ICE1: variants seen among roughly 807,000 people sequenced by gnomAD.
The protein encoded by ICE1 is interactor of little elongation complex ELL subunit 1.
Under a neutral mutation model 192.7 loss-of-function variants are expected in ICE1, and 64 were observed. That is an observed-to-expected ratio of 0.33 (90% CI 0.27 to 0.41). ICE1 has a LOEUF of 0.41. Ranked by LOEUF, ICE1 falls within the 10% of genes least tolerant of loss-of-function variation. The probability of loss-of-function intolerance (pLI) is 1.00; values close to 1 mark genes in which losing one functional copy is unlikely to be tolerated. For synonymous variants in ICE1, 1,010 were observed against 984.5 expected (o/e 1.03, Z -0.49); for missense variants, 2,708 against 2,696.0 (o/e 1.00, Z -0.10).
chr5:5,458,159 A>G (rs1481596350), intron 12 of ICE1, among the ~76,000 whole-genome samples: 2 of 152,172 alleles, frequency 1.3e-5, no homozygotes, highest in Non-Finnish European at 2.9e-5. Context: ...TATTTGATGA[A>G]TTCATCATCT....
intron 1 of ICE1, among the ~76,000 whole-genome samples, chr5:5,428,360 G>A (rs1454183312): frequency 6.6e-6 from 1 of 152,154 alleles, no homozygotes; most frequent in Non-Finnish European, 1.5e-5. Flanking sequence ...TTAGTAAACA[G>A]CAAGCACACC....
At chr5:5,451,062 T>C (rs1299080295) in intron 10 of ICE1, among the ~76,000 whole-genome samples, 1 of 152,060 alleles carries the variant, frequency 6.6e-6, no homozygotes, top group Non-Finnish European at 1.5e-5. Flanking sequence ...CAATAAAAAA[T>C]ACCTACAATT....
intron 17 of ICE1, among the ~76,000 whole-genome samples, chr5:5,481,913 G>T (rs1739515163): frequency 6.6e-6 from 1 of 152,140 alleles, no homozygotes; most frequent in African/African-American, 2.4e-5. Context: ...ATCCATGTTT[G>T]TGCAAGTGTA....
rs1014989883 is a variant in ICE1 at position 5,464,996 on chromosome 5, A to T, written c.5662A>T (p.Ser1888Cys). ...AGTTGCAACAACAAATGAGGAAAGAAGTTGTTCTAGTCCAGCCGTCAGTGC... is the reference window on the plus strand; with the variant it reads ...AGTTGCAACAACAAATGAGGAAAGATGTTGTTCTAGTCCAGCCGTCAGTGC... ...AEVATTNEER[S>C]CSSPAVSAVS... Residue 1888 changes from serine to cysteine, a missense_variant, in exon 13 of 19, where the codon AGT (serine) becomes TGT (cysteine). Ser to Cys is a moderately radical substitution (Grantham distance 112). Coordinates refer to ENST00000296564, the MANE Select transcript of ICE1 (RefSeq NM_015325.3). This position sits in a 1 kb window ranked among gnomAD's most constrained non-coding sequence, Gnocchi z 4.0. 5.0e-6 allele frequency: 8 copies of T among 1,613,824 alleles called. No homozygotes were observed. Among genetic ancestry groups the T allele is most frequent in the Non-Finnish European group, 6.8e-6 (8 of 1,179,852 alleles).
rs369389318 is a variant in ICE1 at position 5,426,415 on chromosome 5, T to G, written c.84+3416T>G. Among the ~76,000 whole-genome samples, 708 of 143,292 alleles carry G rather than the reference T, an allele frequency of 4.9e-3. 5 individuals carry two copies. Among genetic ancestry groups the G allele is most frequent in the African/African-American group, 0.016 (586 of 37,410 alleles). The allele number at this position is 143,292 out of a possible 152,430, so 94.0% of individuals were successfully genotyped here. A position where few individuals can be genotyped will look rare whatever the true frequency, so the allele number is the denominator to read the frequency against. On this transcript the variant is annotated intron_variant, in intron 1 of 18. Coordinates refer to ENST00000296564, the MANE Select transcript of ICE1 (RefSeq NM_015325.3). The stretch of plus-strand genomic sequence containing the variant: ...AGCCGAGATGGTGCCACCACTGCAC[T>G]CCAGCCTGGGTGACAGAGCAAGACT...
chr5:5,444,730 A>G (rs892443267), intron 7 of ICE1, among the ~76,000 whole-genome samples: 5 of 152,174 alleles, frequency 3.3e-5, no homozygotes, highest in Non-Finnish European at 5.9e-5. Context: ...GATAGTTATA[A>G]CACACATACA....
Position 5,472,156 on chromosome 5 carries a change from A to G in ICE1, c.6223-1402A>G, listed in dbSNP as rs965163466. ...TTCAGATTATCTTAAAACTTTAAAC[A>G]TATTCATAAACTTAAGATGTATTCT... On this transcript the variant is annotated intron_variant, in intron 15 of 18. Coordinates refer to ENST00000296564, the MANE Select transcript of ICE1 (RefSeq NM_015325.3). Among the ~76,000 whole-genome samples, 5 of 152,148 alleles carry G rather than the reference A, an allele frequency of 3.3e-5. No individual in the cohort carries two copies. In the East Asian group the frequency reaches 7.7e-4, roughly 24 times the overall value.
chr5:5,450,909 A>G (rs992092173), intron 10 of ICE1, among the ~76,000 whole-genome samples: 1 of 152,134 alleles, frequency 6.6e-6, no homozygotes, highest in Non-Finnish European at 1.5e-5. Flanking sequence ...AATGTTTTTT[A>G]GAAAGAGAGA....
At chr5:5,454,520 A>T (rs1561083793) in intron 10 of ICE1, 32 bp from the exon 11 acceptor site, 1 of 1,523,858 alleles carries the variant, frequency 6.6e-7, no homozygotes, top group Non-Finnish European at 9.1e-7. Context: ...GAGCCAAATG[A>T]CGTGACTTTA....
intron 1 of ICE1, among the ~76,000 whole-genome samples, 181 bp downstream of exon 1, chr5:5,423,180 T>G (rs1310067212): frequency 6.6e-6 from 1 of 152,136 alleles, no homozygotes; most frequent in Non-Finnish European, 1.5e-5. Flanking sequence ...TGGGGACGGC[T>G]TTCTTTGCTT....
At chr5:5,447,566 A>G (rs1443294682) in intron 8 of ICE1, 57 bp downstream of exon 8, 4 of 1,421,970 alleles carry the variant, frequency 2.8e-6, no homozygotes, top group Admixed American at 4.1e-5. Flanking sequence ...GGGTCTCTGT[A>G]GTGTCTCTGT....
Position 5,464,261 on chromosome 5 carries a change from C to A in ICE1, c.4927C>A (p.Pro1643Thr). ...PPLLAPLIAT[P>T]PRTSQPLSPL... is the part of the protein sequence containing the mutation. ...TCTGCTTGCTCCTCTGATAGCTACA[C>A]CTCCAAGGACTTCACAGCCACTGTC... The change falls in exon 13 of 19, where the codon CCT becomes ACT. Residue 1643 changes from proline (P) to threonine (T), a missense_variant. Pro to Thr is a conservative substitution (Grantham distance 38). Around this residue, in one of 2 missense-constraint regions of ICE1, gnomAD observed 2,366 missense variants for 2,276.6 expected, o/e 1.04. Coordinates refer to ENST00000296564, the MANE Select transcript of ICE1 (RefSeq NM_015325.3). The surrounding 1 kb of genome is among the most constrained non-coding windows in gnomAD (Gnocchi z 4.0). 2 of 1,613,652 alleles carry A rather than the reference C, an allele frequency of 1.2e-6. No homozygotes were observed. The highest frequency in any genetic ancestry group is 1.7e-6 in the Non-Finnish European group (2 of 1,179,812).
chr5:5,477,408 GACAC>G (rs774860074), intron 17 of ICE1, among the ~76,000 whole-genome samples: 1 of 152,090 alleles, frequency 6.6e-6, no homozygotes, highest in Non-Finnish European at 1.5e-5. Flanking sequence ...TAAATTCCTG[GACAC>G]ACACACTCTC....
At chr5:5,456,050 G>C (rs142917675) in intron 11 of ICE1, among the ~76,000 whole-genome samples, 177 of 152,208 alleles carry the variant, frequency 1.2e-3, no homozygotes, top group African/African-American at 4.0e-3. Flanking sequence ...TGGCTTATGT[G>C]ATGTTTTCTC....
chr5:5,462,627 C>T lies in ICE1; in HGVS notation c.3293C>T (p.Thr1098Ile), dbSNP rs200226992. 1 of 1,613,936 alleles carries T rather than the reference C, an allele frequency of 6.2e-7. No individual in the cohort carries two copies. Among genetic ancestry groups the T allele is most frequent in the Admixed American group, 1.7e-5 (1 of 60,016 alleles). The change falls in exon 13 of 19, where the codon ACA becomes ATA. Residue 1098 changes from threonine (T) to isoleucine (I), a missense_variant. Physicochemically the swap from Thr to Ile is moderately conservative, Grantham distance 89 (BLOSUM62 -1). Coordinates refer to ENST00000296564, the MANE Select transcript of ICE1 (RefSeq NM_015325.3). ...SSLPGTLHCY[T>I]GIREGGDDTE... ...CTGCCTGGTACCTTACATTGTTACACAGGCATTCGAGAGGGGGGAGACGAC... is the reference window on the plus strand; with the variant it reads ...CTGCCTGGTACCTTACATTGTTACATAGGCATTCGAGAGGGGGGAGACGAC...
chr5:5,479,947 G>A (rs970225063), intron 17 of ICE1, among the ~76,000 whole-genome samples: 3 of 151,924 alleles, frequency 2.0e-5, no homozygotes, highest in Non-Finnish European at 4.4e-5. Flanking sequence ...GGCATGGGGG[G>A]TAAGGGGAGG....
chr5:5,476,703 A>T (rs1245266268), intron 17 of ICE1, among the ~76,000 whole-genome samples: 1 of 152,178 alleles, frequency 6.6e-6, no homozygotes, highest in Non-Finnish European at 1.5e-5. Flanking sequence ...CACCACACGG[A>T]TGGCCCAAGG....
rs1225850448 is a variant in ICE1 at position 5,463,648 on chromosome 5, G to T, written c.4314G>T (p.Gln1438His). ...SGVAVLPHVD[Q>H]VTLCDIPGDI... Reference sequence around the variant, plus strand: ...TAGCTGTCTTGCCACATGTGGACCAGGTCACACTGTGTGACATTCCTGGAG... The same window carrying T: ...TAGCTGTCTTGCCACATGTGGACCATGTCACACTGTGTGACATTCCTGGAG... The change falls in exon 13 of 19, where the codon CAG becomes CAT. Residue 1438 changes from glutamine to histidine, a missense_variant. Physicochemically the swap from Gln to His is conservative, Grantham distance 24. Around this residue, in one of 2 missense-constraint regions of ICE1, gnomAD observed 2,366 missense variants for 2,276.6 expected, o/e 1.04. Coordinates refer to ENST00000296564, the MANE Select transcript of ICE1 (RefSeq NM_015325.3). The T allele has an allele frequency of 6.2e-7, 1 of 1,613,862 alleles. No individual in the cohort carries two copies. The highest frequency in any genetic ancestry group is 8.5e-7 in the Non-Finnish European group (1 of 1,179,888).
At chr5:5,441,370 T>C in intron 5 of ICE1, 147 bp downstream of exon 5, 1 of 594,834 alleles carries the variant, frequency 1.7e-6, no homozygotes, top group Non-Finnish European at 3.0e-6. Context: ...TTAGAGAACA[T>C]TGAACTAACT....
Sources: allele counts gnomAD v4.1 joint callset (sites outside exome capture counted in the v4.1 genomes callset), GRCh38; gene constraint gnomAD v4.1.1; regional missense constraint gnomAD v4.1.1; non-coding constraint Gnocchi (gnomAD v3.1); transcripts MANE v1.5; gene names NCBI Gene and HGNC (gene_info 2026-07-23, HGNC 2026-07-21).